The following FOXN3 variants were observed in gnomAD, a reference collection of about 807,000 sequenced individuals.
The protein encoded by FOXN3 is forkhead box N3.
Under a neutral mutation model 38.4 loss-of-function variants are expected in FOXN3, and 7 were observed. The ratio of observed to expected loss-of-function variants is 0.18; its 90% CI spans 0.10 to 0.34. FOXN3 has a LOEUF of 0.34. Among genes scored for constraint, FOXN3 ranks in the 10% least tolerant of loss-of-function variants. The pLI, the probability that FOXN3 is intolerant of heterozygous loss-of-function variation, is 1.00. For missense variants in FOXN3, 456 were observed against 613.4 expected (o/e 0.74, Z 2.71); for synonymous variants, 230 against 242.2 (o/e 0.95, Z 0.47).
At chr14:89,170,212 A>G (rs1443888393) in intron 5 of FOXN3, among the ~76,000 whole-genome samples, 1 of 152,220 alleles carries the variant, frequency 6.6e-6, no homozygotes, top group African/African-American at 2.4e-5. Flanking sequence ...TTCAAAATAT[A>G]TATGTCTAAA....
intron 1 of FOXN3, among the ~76,000 whole-genome samples, chr14:89,451,771 T>C (rs974185671): frequency 1.3e-5 from 2 of 152,212 alleles, no homozygotes; most frequent in African/African-American, 4.8e-5. Flanking sequence ...AAGTCTTGTG[T>C]GTATATATAC....
At chr14:89,379,907 T>C (rs12434309) in intron 2 of FOXN3, among the ~76,000 whole-genome samples, 5,515 of 152,240 alleles carry the variant, frequency 0.036, 366 homozygotes, top group African/African-American at 0.13. Context: ...GTGATCCACC[T>C]GCCTCAGCCT....
At chr14:89,487,315 A>G (rs1893468386) in intron 1 of FOXN3, among the ~76,000 whole-genome samples, 1 of 152,240 alleles carries the variant, frequency 6.6e-6, no homozygotes, top group Admixed American at 6.5e-5. Context: ...GAACTCTCTA[A>G]TGAAAAGAAT....
At position 89,232,742 on chromosome 14, in the gene FOXN3, T is replaced by A. The variant is rs138658015; in HGVS notation, c.745+48208A>T. Among the ~76,000 whole-genome samples, 3 of 152,320 alleles carry A rather than the reference T, an allele frequency of 2.0e-5. No individual in the cohort carries two copies. The East Asian group carries it at 5.8e-4, about 29-fold the overall frequency. On this transcript the variant is annotated intron_variant, in intron 4 of 5. Transcript: ENST00000557258. ...TGTTAAAGTGACAGCGCGCCAGCCT[T>A]ACGAGACATAATTTGAGGAAAGCTG...
intron 1 of FOXN3, among the ~76,000 whole-genome samples, chr14:89,540,172 T>C (rs1894766905): frequency 6.6e-6 from 1 of 152,170 alleles, no homozygotes; most frequent in African/African-American, 2.4e-5. Context: ...CCATGTGAAA[T>C]TTACAGCAGA....
At chr14:89,337,425 A>G (rs901847441) in intron 3 of FOXN3, among the ~76,000 whole-genome samples, 5 of 152,130 alleles carry the variant, frequency 3.3e-5, no homozygotes, top group African/African-American at 1.2e-4. Context: ...AAAGAACACA[A>G]TTGAGTGTTT....
chr14:89,350,739 T>C lies in FOXN3; in HGVS notation c.613A>G (p.Lys205Glu). ...TGTGGGTGTGGGTGATAAGGTGTCT[T>C]TTTCAAAGCCTGAATTAGATTTTGT... is the stretch of plus-strand genomic sequence containing the variant. ...YRQNLIQALK[K>E]TPYHPHPHVF... The change falls in exon 3 of 6, where the codon AAG (lysine) becomes GAG (glutamate). Residue 205 changes from lysine (K) to glutamate (E), a missense_variant. Physicochemically the swap from Lys to Glu is moderately conservative, Grantham distance 56. This residue lies in a region of FOXN3 where 386 missense variants were observed against 505.2 expected (regional missense o/e 0.76). Coordinates refer to ENST00000557258, the MANE Select transcript of FOXN3 (RefSeq NM_005197.4). The C allele has an allele frequency of 6.2e-7, 1 of 1,606,240 alleles. No individual in the cohort carries two copies. Among genetic ancestry groups the C allele is most frequent in the Non-Finnish European group, 8.5e-7 (1 of 1,177,150 alleles).
rs551628354 is a variant in FOXN3 at position 89,555,484 on chromosome 14, C to T, written c.-15+63544G>A. On this transcript the variant is annotated intron_variant, in intron 1 of 6. Coordinates refer to the FOXN3 transcript ENST00000345097. ...CCAATGTCTTGAGGCTAGTTTGTAT[C>T]TCTTATTAGCAGTAAGGATAAGCAT... Among the ~76,000 whole-genome samples, 99 of 152,276 alleles carry T rather than the reference C, an allele frequency of 6.5e-4. 1 individual carries two copies. Among genetic ancestry groups the T allele is most frequent in the African/African-American group, 2.3e-3 (96 of 41,554 alleles).
intron 4 of FOXN3, among the ~76,000 whole-genome samples, chr14:89,269,212 C>G (rs1886071807): frequency 6.6e-6 from 1 of 152,146 alleles, no homozygotes. Context: ...TGATCAAGCC[C>G]CATTAGAAAT....
At chr14:89,557,041 C>T (rs561366912) in intron 1 of FOXN3, among the ~76,000 whole-genome samples, 1 of 152,116 alleles carries the variant, frequency 6.6e-6, no homozygotes, top group Non-Finnish European at 1.5e-5. Context: ...GTTTAGTTAT[C>T]GAAGCTGTGG....
At chr14:89,322,450 A>G (rs890897269) in intron 3 of FOXN3, among the ~76,000 whole-genome samples, 2 of 152,178 alleles carry the variant, frequency 1.3e-5, no homozygotes, top group African/African-American at 4.8e-5. Flanking sequence ...GTCTACTGAG[A>G]AGAGATGCCT....
intron 4 of FOXN3, among the ~76,000 whole-genome samples, chr14:89,184,534 G>C (rs1255430364): frequency 1.3e-5 from 2 of 152,210 alleles, no homozygotes; most frequent in East Asian, 3.8e-4. Context: ...ACGTTCTTTG[G>C]ATGTTCCTTG....
At chr14:89,506,414 C>T (rs1219898873) in intron 1 of FOXN3, among the ~76,000 whole-genome samples, 1 of 147,920 alleles carries the variant, frequency 6.8e-6, no homozygotes, top group Non-Finnish European at 1.5e-5. Context: ...AGTGAGGAGC[C>T]CCTCTGCCTG....
rs149338781 is a variant in FOXN3, at chr14:89,603,537, G to C, written c.-15+15491C>G. 3.5e-4 allele frequency among the ~76,000 whole-genome samples: 53 copies of C among 152,226 alleles called. No individual in the cohort carries two copies. In the East Asian group the frequency reaches 9.1e-3, roughly 26 times the overall value. ...TGATCTGTACCGTAGTTGGCCAAAGGCATTCATGTGTTTCGGGATATATTA... is the reference window on the plus strand; with the variant it reads ...TGATCTGTACCGTAGTTGGCCAAAGCCATTCATGTGTTTCGGGATATATTA... On this transcript the variant is annotated intron_variant, in intron 1 of 6. Transcript: ENST00000345097.
chr14:89,237,729 A>C (rs117517921), intron 4 of FOXN3, among the ~76,000 whole-genome samples: 169 of 152,360 alleles, frequency 1.1e-3, no homozygotes, highest in Non-Finnish European at 2.0e-3. Context: ...ATTGAGAAGT[A>C]CAGTAAAGTA....
chr14:89,556,993 C>T lies in FOXN3; in HGVS notation c.-15+62035G>A, dbSNP rs1303939304. 2.6e-5 allele frequency among the ~76,000 whole-genome samples: 4 copies of T among 152,142 alleles called. No homozygotes were observed. The East Asian group carries it at 7.7e-4, about 29-fold the overall frequency. ...CCTGGGGTATAGACAGACACCGGAACCTGTGGGGTGGGAAAGAACTTGGGG... is the reference window on the plus strand; with the variant it reads ...CCTGGGGTATAGACAGACACCGGAATCTGTGGGGTGGGAAAGAACTTGGGG... On this transcript the variant is annotated intron_variant, in intron 1 of 6. Coordinates refer to the FOXN3 transcript ENST00000345097.
chr14:89,594,140 G>C (rs1428926501), intron 1 of FOXN3, among the ~76,000 whole-genome samples: 1 of 152,202 alleles, frequency 6.6e-6, no homozygotes, highest in Non-Finnish European at 1.5e-5. Context: ...TTCCAGTTTT[G>C]AGCTTTTATC....
At chr14:89,459,215 T>A (rs1892789554) in intron 1 of FOXN3, among the ~76,000 whole-genome samples, 2 of 152,304 alleles carry the variant, frequency 1.3e-5, no homozygotes, top group South Asian at 4.1e-4. Flanking sequence ...AATGACCTTA[T>A]GATGACATAA....
chr14:89,458,014 G>A (rs1892762747), intron 1 of FOXN3, among the ~76,000 whole-genome samples: 1 of 124,316 alleles, frequency 8.0e-6, no homozygotes, highest in Non-Finnish European at 1.6e-5. Context: ...TGAGCGATAA[G>A]AGCGAAACTC....
Sources: gnomAD v4.1 joint callset for allele counts (sites outside exome capture counted in the v4.1 genomes callset) on GRCh38, gnomAD v4.1.1 for gene constraint, gnomAD v4.1.1 regional missense constraint, MANE v1.5 for transcripts, NCBI Gene and HGNC (gene_info 2026-07-23, HGNC 2026-07-21) for gene names.